Variants in STX1A observed in about 807,000 individuals in gnomAD.
The protein encoded by STX1A is syntaxin 1A, also known as syntaxin-1A.
In STX1A, 4 loss-of-function variants were observed where a neutral mutation model predicts 37.8. That is an observed-to-expected ratio of 0.11 (90% CI 0.05 to 0.24). The LOEUF (loss-of-function observed/expected upper bound fraction) is 0.24. Ranked by LOEUF, STX1A falls within the 10% of genes least tolerant of loss-of-function variation. STX1A has a pLI of 1.00. For missense variants in STX1A, 251 were observed against 399.9 expected (o/e 0.63, Z 3.18); for synonymous variants, 135 against 147.4 (o/e 0.92, Z 0.61).
At position 73,700,539 on chromosome 7, in the gene STX1A, G is replaced by A; in HGVS notation, c.790-55C>T. On this transcript the variant is annotated intron_variant, in intron 9 of 9. Coordinates refer to ENST00000222812, the MANE Select transcript of STX1A (RefSeq NM_004603.4). The surrounding 1 kb of genome is among the most constrained non-coding windows in gnomAD (Gnocchi z 4.4). The stretch of plus-strand genomic sequence containing the variant: ...AGACAGTGTTGGCGGCAGGTGGGGT[G>A]GGACTATGGCAAAGGCTGAGGACTG... 1 of 1,596,984 alleles carries A rather than the reference G, an allele frequency of 6.3e-7. No homozygotes were observed.
intron 5 of STX1A, 40 bp downstream of exon 5, chr7:73,704,310 A>AGACT (rs1798789621): frequency 6.2e-7 from 1 of 1,613,892 alleles, no homozygotes; most frequent in African/African-American, 1.3e-5. Flanking sequence ...ACCGACCCAG[A>AGACT]GACTCAGGTG....
rs1397224301 is a variant in STX1A at position 73,705,486 on chromosome 7, A to G, written c.209-262T>C. The G allele has an allele frequency of 2.0e-5, 10 of 489,898 alleles. No homozygotes were observed. In the South Asian group the frequency reaches 2.5e-4, roughly 12 times the overall value. The allele number at this position is 489,898 out of a possible 1,614,324, so 30.3% of individuals were successfully genotyped here. The stretch of plus-strand genomic sequence containing the variant: ...TTGCTGGCGCCCCCACCCCCTGGAG[A>G]TAACAGATGGGTCTAAATTTAAGGC... On this transcript the variant is annotated intron_variant, in intron 3 of 9. Coordinates refer to ENST00000222812, the MANE Select transcript of STX1A (RefSeq NM_004603.4). This position sits in a 1 kb window ranked among gnomAD's most constrained non-coding sequence, Gnocchi z 5.2.
chr7:73,705,462 T>G lies in STX1A; in HGVS notation c.209-238A>C. On this transcript the variant is annotated intron_variant, in intron 3 of 9. Transcript: ENST00000222812. The surrounding 1 kb of genome is among the most constrained non-coding windows in gnomAD (Gnocchi z 5.2). ...TTCGGAGGAGCCTCCCTTCCTCCTT[T>G]GCTGGCGCCCCCACCCCCTGGAGAT... 1.9e-6 allele frequency: 1 copy of G among 517,776 alleles called. No individual in the cohort carries two copies. The highest frequency in any genetic ancestry group is 3.5e-6 in the Non-Finnish European group (1 of 288,202). 32.1% of individuals were successfully genotyped at this position (517,776 alleles called of 1,614,324 possible). A position where few individuals can be genotyped will look rare whatever the true frequency, so the allele number is the denominator to read the frequency against.
Position 73,713,004 on chromosome 7 carries a change from A to G in STX1A, c.31-3882T>C, listed in dbSNP as rs557671389. Among the ~76,000 whole-genome samples the G allele has an allele frequency of 3.9e-5, 6 of 152,320 alleles. No individual in the cohort carries two copies. The South Asian group carries it at 1.2e-3, about 32-fold the overall frequency. On this transcript the variant is annotated intron_variant, in intron 1 of 9. Coordinates refer to ENST00000222812, the MANE Select transcript of STX1A (RefSeq NM_004603.4). ...CTCTAGTAATACAGCCAGGAATCAG[A>G]TAAGTGATCATGTAGCATTTCCTGT...
rs1799322777 is a variant in STX1A at position 73,717,304 on chromosome 7, A to T, written c.30+2298T>A. ...AGCCCAGCCCAGCCCAGCCCGCCCCAGTCCAGCCCAGTCCAGCCCAGTCCA... is the reference window on the plus strand; with the variant it reads ...AGCCCAGCCCAGCCCAGCCCGCCCCTGTCCAGCCCAGTCCAGCCCAGTCCA... On this transcript the variant is annotated intron_variant, in intron 1 of 9. Coordinates refer to ENST00000222812, the MANE Select transcript of STX1A (RefSeq NM_004603.4). The surrounding 1 kb of genome is among the most constrained non-coding windows in gnomAD (Gnocchi z 4.1). Among the ~76,000 whole-genome samples the T allele has an allele frequency of 6.6e-6, 1 of 151,088 alleles. No homozygotes were observed. The highest frequency in any genetic ancestry group is 1.5e-5 in the Non-Finnish European group (1 of 67,768).
At chr7:73,701,068 G>A (rs1798635327) in intron 8 of STX1A, 2 of 781,920 alleles carry the variant, frequency 2.6e-6, no homozygotes, top group South Asian at 1.8e-5. Flanking sequence ...CAATCCTGGG[G>A]GTGGAGCTGG....
At chr7:73,710,639 G>A (rs370259303) in intron 1 of STX1A, among the ~76,000 whole-genome samples, 2 of 152,140 alleles carry the variant, frequency 1.3e-5, no homozygotes, top group East Asian at 1.9e-4. Flanking sequence ...TGGCCAGGCC[G>A]GTCTCGAACT....
chr7:73,707,456 T>C (rs1029928805), intron 3 of STX1A, among the ~76,000 whole-genome samples: 3 of 152,252 alleles, frequency 2.0e-5, no homozygotes, highest in South Asian at 4.1e-4. Flanking sequence ...CCCACAGCGC[T>C]GACGACTTAG....
rs2116737692 is a variant in STX1A, at chr7:73,704,510, AC to A, written c.284-88del. On this transcript the variant is annotated intron_variant, in intron 4 of 9. Transcript: ENST00000222812. Reference sequence around the variant, plus strand: ...ACACCCAGCATCTATCCACCTTCCCACATCCCCTAGGGTATGTGTGTGGCCT... The same window carrying A: ...ACACCCAGCATCTATCCACCTTCCCAATCCCCTAGGGTATGTGTGTGGCCT... 12 of 1,525,124 alleles carry A rather than the reference AC, an allele frequency of 7.9e-6. No homozygotes were observed. The South Asian group carries it at 1.3e-4, about 16-fold the overall frequency. 94.5% of individuals were successfully genotyped at this position (1,525,124 alleles called of 1,614,324 possible).
rs1160218328 is a variant in STX1A, at chr7:73,709,531, T to TAC, written c.31-411_31-410dup. 6.6e-5 allele frequency among the ~76,000 whole-genome samples: 10 copies of TAC among 151,872 alleles called. No individual in the cohort carries two copies. Among genetic ancestry groups the TAC allele is most frequent in the South Asian group, 2.1e-4 (1 of 4,812 alleles). ...TCTCTACTCTCCTGGCCCTGTGGTT[T>TAC]ACACACACACACACAAACACATACA... On this transcript the variant is annotated intron_variant, in intron 1 of 9. Coordinates refer to ENST00000222812, the MANE Select transcript of STX1A (RefSeq NM_004603.4). The surrounding 1 kb of genome is among the most constrained non-coding windows in gnomAD (Gnocchi z 4.2).
intron 3 of STX1A, among the ~76,000 whole-genome samples, chr7:73,707,522 C>G (rs528728467): frequency 2.0e-5 from 3 of 152,304 alleles, no homozygotes; most frequent in East Asian, 1.9e-4. Flanking sequence ...GACCGAGAGG[C>G]CTTCCTATTG....
At chr7:73,703,328 T>G in intron 7 of STX1A, 1 of 554,560 alleles carries the variant, frequency 1.8e-6, no homozygotes, top group African/African-American at 1.9e-5. Context: ...CTCCCGTCCC[T>G]TCCCCCACAT....
chr7:73,705,345 T>G lies in STX1A; in HGVS notation c.209-121A>C, dbSNP rs1798831616. 3 of 815,536 alleles carry G rather than the reference T, an allele frequency of 3.7e-6. No individual in the cohort carries two copies. Among genetic ancestry groups the G allele is most frequent in the Non-Finnish European group, 6.2e-6 (3 of 486,308 alleles). The allele number at this position is 815,536 out of a possible 1,614,324, so 50.5% of individuals were successfully genotyped here. A position where few individuals can be genotyped will look rare whatever the true frequency, so the allele number is the denominator to read the frequency against. On this transcript the variant is annotated intron_variant, in intron 3 of 9. Coordinates refer to ENST00000222812, the MANE Select transcript of STX1A (RefSeq NM_004603.4). This position sits in a 1 kb window ranked among gnomAD's most constrained non-coding sequence, Gnocchi z 5.2. ...CTGGGAAGATCCCTGTTCTCCCCTG[T>G]TCCCCTGGCTAAGGCTCTGCCTGCC...
At chr7:73,707,029 C>T (rs1798899152) in intron 3 of STX1A, among the ~76,000 whole-genome samples, 1 of 152,146 alleles carries the variant, frequency 6.6e-6, no homozygotes, top group South Asian at 2.1e-4. Flanking sequence ...AAGATTTACT[C>T]TGGGTTCTTG....
intron 1 of STX1A, among the ~76,000 whole-genome samples, chr7:73,714,314 G>T (rs568613684): frequency 6.6e-6 from 1 of 151,996 alleles, no homozygotes; most frequent in East Asian, 1.9e-4. Context: ...CACCATGTTG[G>T]CCAGGCTGGT....
rs1481807452 is a variant in STX1A at position 73,699,492 on chromosome 7, G to T, written c.*915C>A. On this transcript the variant is annotated 3_prime_UTR_variant, in exon 10 of 10. Coordinates refer to ENST00000222812, the MANE Select transcript of STX1A (RefSeq NM_004603.4). The stretch of plus-strand genomic sequence containing the variant: ...TGAGAAGCCCCAAGGTGGTGAGGAG[G>T]AGGAGGTAGCCCTCCCCGGCTGGCT... The T allele has an allele frequency of 6.5e-6, 1 of 152,718 alleles. No homozygotes were observed. The highest frequency in any genetic ancestry group is 1.5e-5 in the Non-Finnish European group (1 of 68,090). The allele number at this position is 152,718 out of a possible 1,614,324, so 9.5% of individuals were successfully genotyped here.
chr7:73,704,360 C>T lies in STX1A; in HGVS notation c.347G>A (p.Arg116Gln), dbSNP rs782517349. The T allele has an allele frequency of 1.2e-6, 2 of 1,614,182 alleles. No individual in the cohort carries two copies. The highest frequency in any genetic ancestry group is 1.7e-6 in the Non-Finnish European group (2 of 1,180,030). ...LNRSSADLRI[R>Q]KTQHSTLSRK... ...ACTCCGTGGCCGCACCTGTGTCTTC[C>T]GGATCCTCAGGTCAGCGGAGGAGCG... The change falls in exon 5 of 10, where the codon CGG (arginine) becomes CAG (glutamine). Residue 116 changes from arginine (R) to glutamine (Q), a missense_variant. Arg to Gln is a conservative substitution (Grantham distance 43, BLOSUM62 1). Transcript: ENST00000222812.
intron 3 of STX1A, among the ~76,000 whole-genome samples, chr7:73,708,342 C>T (rs1260616917): frequency 6.6e-6 from 1 of 152,014 alleles, no homozygotes; most frequent in Non-Finnish European, 1.5e-5. Context: ...CCTCTCCCAT[C>T]ACCCAAGTCT....
chr7:73,706,221 T>C lies in STX1A; in HGVS notation c.209-997A>G, dbSNP rs1456248539. Among the ~76,000 whole-genome samples the C allele has an allele frequency of 6.6e-6, 1 of 151,884 alleles. No homozygotes were observed. Among genetic ancestry groups the C allele is most frequent in the East Asian group, 1.9e-4 (1 of 5,160 alleles). The stretch of plus-strand genomic sequence containing the variant: ...TCTATCAGGAAGGCCCCGGATGGGG[T>C]CACCTCCCAAGTGGAATGCAGTGAG... On this transcript the variant is annotated intron_variant, in intron 3 of 9. Coordinates refer to ENST00000222812, the MANE Select transcript of STX1A (RefSeq NM_004603.4). The surrounding 1 kb of genome is among the most constrained non-coding windows in gnomAD (Gnocchi z 4.6).
Sources: allele counts gnomAD v4.1 joint callset (sites outside exome capture counted in the v4.1 genomes callset), GRCh38; gene constraint gnomAD v4.1.1; non-coding constraint Gnocchi (gnomAD v3.1); transcripts MANE v1.5; gene names NCBI Gene and HGNC (gene_info 2026-07-23, HGNC 2026-07-21).